The following TRPM3 variants were observed in gnomAD, a reference collection of about 807,000 sequenced individuals.
TRPM3 encodes transient receptor potential cation channel subfamily M member 3.
In TRPM3, 77 loss-of-function variants were observed where a neutral mutation model predicts 181.2. The ratio of observed to expected loss-of-function variants is 0.42; its 90% CI spans 0.35 to 0.51. The LOEUF (loss-of-function observed/expected upper bound fraction) is 0.51, where lower values mean the gene tolerates loss of function less well. Ranked by LOEUF, TRPM3 falls within the 20% of genes least tolerant of loss-of-function variation. The pLI, the probability that TRPM3 is intolerant of heterozygous loss-of-function variation, is 0.01. For synonymous variants in TRPM3, 745 were observed against 796.4 expected (o/e 0.94, Z 1.09); for missense variants, 1,759 against 2,196.7 (o/e 0.80, Z 3.98).
At chr9:70,972,780 G>A (rs539841843) in intron 1 of TRPM3, among the ~76,000 whole-genome samples, 1 of 152,188 alleles carries the variant, frequency 6.6e-6, no homozygotes, top group East Asian at 1.9e-4. Flanking sequence ...GGTAATACTT[G>A]TAAGGCTTTG....
chr9:71,183,463 G>A (rs2077513313), intron 1 of TRPM3, among the ~76,000 whole-genome samples: 1 of 152,058 alleles, frequency 6.6e-6, no homozygotes. Flanking sequence ...TTCATTTCCT[G>A]TGTTATTACA....
At position 71,121,417 on chromosome 9, in the gene TRPM3, C is replaced by T. The variant is rs1303456343; in HGVS notation, c.-63G>A. The T allele has an allele frequency of 6.4e-7, 1 of 1,571,600 alleles. No individual in the cohort carries two copies. The highest frequency in any genetic ancestry group is 8.6e-7 in the Non-Finnish European group (1 of 1,160,848). The stretch of plus-strand genomic sequence containing the variant: ...CAGAGGCTTCCTGGAACTTGGAAGA[C>T]TAGTCAAGTAGCCTTGCCTGAGCCC... On this transcript the variant is annotated 5_prime_UTR_variant, in exon 1 of 26. Transcript: ENST00000677713.
chr9:71,195,500 C>A (rs1360994963), intron 1 of TRPM3, among the ~76,000 whole-genome samples: 1 of 152,044 alleles, frequency 6.6e-6, no homozygotes, highest in African/African-American at 2.4e-5. Flanking sequence ...CACTTCTACA[C>A]TGTTGGTGGG....
chr9:70,793,455 C>CAAA (rs71507012), intron 6 of TRPM3: 1,289 of 106,882 alleles, frequency 0.012, 14 homozygotes, highest in East Asian at 0.038. Flanking sequence ...GGCTTTGTCT[C>CAAA]AAAAAAAAAA....
chr9:71,176,454 C>T (rs2077110331), intron 1 of TRPM3, among the ~76,000 whole-genome samples: 1 of 152,036 alleles, frequency 6.6e-6, no homozygotes, highest in African/African-American at 2.4e-5. Flanking sequence ...TATTTTTGTA[C>T]AGCTACGCAA....
chr9:70,645,308 A>G (rs1201130758), intron 9 of TRPM3, among the ~76,000 whole-genome samples: 1 of 152,196 alleles, frequency 6.6e-6, no homozygotes, highest in East Asian at 1.9e-4. Context: ...TCTTCAAGCT[A>G]TACTACAAGG....
At chr9:70,863,753 C>T (rs2095577508) in intron 2 of TRPM3, among the ~76,000 whole-genome samples, 1 of 152,066 alleles carries the variant, frequency 6.6e-6, no homozygotes, top group Non-Finnish European at 1.5e-5. Flanking sequence ...ATAATAGTTA[C>T]AATATGTAGC....
chr9:71,080,013 A>G (rs561389563), intron 1 of TRPM3, among the ~76,000 whole-genome samples: 19 of 152,048 alleles, frequency 1.2e-4, no homozygotes, highest in Admixed American at 7.2e-4. Context: ...TCTACTAAAA[A>G]TACAAAATTA....
chr9:70,972,749 T>G (rs572547072), intron 1 of TRPM3, among the ~76,000 whole-genome samples: 2 of 152,170 alleles, frequency 1.3e-5, no homozygotes, highest in Non-Finnish European at 2.9e-5. Context: ...TATGTCTCAG[T>G]GGACAAAGAG....
chr9:71,204,994 A>G (rs532771263), intron 1 of TRPM3, among the ~76,000 whole-genome samples: 1 of 152,168 alleles, frequency 6.6e-6, no homozygotes, highest in African/African-American at 2.4e-5. Flanking sequence ...GTTCTCACTC[A>G]TAGATGGGAA....
At chr9:70,930,877 A>G (rs973777453) in intron 1 of TRPM3, among the ~76,000 whole-genome samples, 4 of 152,112 alleles carry the variant, frequency 2.6e-5, no homozygotes, top group Non-Finnish European at 4.4e-5. Flanking sequence ...AGTGGCTGAG[A>G]AAAAAATAAA....
chr9:71,012,087 T>C (rs1316463894), intron 1 of TRPM3, among the ~76,000 whole-genome samples: 1 of 152,046 alleles, frequency 6.6e-6, no homozygotes, highest in Non-Finnish European at 1.5e-5. Context: ...CTGGCCTATG[T>C]TTTCTTTTAG....
chr9:71,168,510 CTTTTT>C (rs386415035), intron 1 of TRPM3, among the ~76,000 whole-genome samples: 2,437 of 90,614 alleles, frequency 0.027, 75 homozygotes, highest in Non-Finnish European at 0.041. Context: ...TGACATTTTT[CTTTTT>C]TTTTTTTTTT....
chr9:70,551,584 TACAA>T (rs1188948374), intron 24 of TRPM3, among the ~76,000 whole-genome samples: 1 of 152,230 alleles, frequency 6.6e-6, no homozygotes, highest in Non-Finnish European at 1.5e-5. Flanking sequence ...GCATTGTATT[TACAA>T]ACACCACCTT....
At chr9:71,044,702 C>T (rs2059218670) in intron 1 of TRPM3, among the ~76,000 whole-genome samples, 1 of 152,114 alleles carries the variant, frequency 6.6e-6, no homozygotes, top group Non-Finnish European at 1.5e-5. Flanking sequence ...GACGGAGTCT[C>T]ACTCTGTCAC....
At chr9:70,587,604 C>T (rs2057359270) in intron 22 of TRPM3, among the ~76,000 whole-genome samples, 1 of 152,150 alleles carries the variant, frequency 6.6e-6, no homozygotes, top group African/African-American at 2.4e-5. Context: ...TTCTGCTGCT[C>T]CTCTTTTCTA....
At chr9:70,558,796 T>C (rs2048354518) in intron 22 of TRPM3, among the ~76,000 whole-genome samples, 1 of 152,178 alleles carries the variant, frequency 6.6e-6, no homozygotes, top group South Asian at 2.1e-4. Flanking sequence ...GCTACATCTA[T>C]GCAGCAGTGG....
At chr9:71,059,804 T>C (rs547008087) in intron 1 of TRPM3, among the ~76,000 whole-genome samples, 86 of 152,132 alleles carry the variant, frequency 5.7e-4, no homozygotes, top group Non-Finnish European at 1.1e-3. Context: ...GCCAATACTT[T>C]AACAAATTAT....
At chr9:70,951,587 C>T (rs747936893) in intron 1 of TRPM3, among the ~76,000 whole-genome samples, 8 of 152,322 alleles carry the variant, frequency 5.3e-5, no homozygotes, top group African/African-American at 9.6e-5. Flanking sequence ...GGTGATCCGA[C>T]TGCCTTGGCC....
Sources: gnomAD v4.1 joint callset for allele counts (sites outside exome capture counted in the v4.1 genomes callset) on GRCh38, gnomAD v4.1.1 for gene constraint, MANE v1.5 for transcripts, NCBI Gene and HGNC (gene_info 2026-07-23, HGNC 2026-07-21) for gene names.